The following ZFAT variants were observed in gnomAD, a reference collection of about 807,000 sequenced individuals.
ZFAT encodes zinc finger and AT-hook domain containing.
ZFAT carries 64 observed loss-of-function variants against 117.7 expected under a neutral mutation model. The observed-to-expected ratio is 0.54, with a 90% CI of 0.44 to 0.67. The LOEUF (loss-of-function observed/expected upper bound fraction) is 0.67. Among genes scored for constraint, ZFAT ranks in the 30% least tolerant of loss-of-function variants. The pLI, the probability that ZFAT is intolerant of heterozygous loss-of-function variation, is 0.00. For synonymous variants in ZFAT, 679 were observed against 615.0 expected (o/e 1.10, Z -1.54); for missense variants, 1,433 against 1,584.5 (o/e 0.90, Z 1.62).
intron 1 of ZFAT, among the ~76,000 whole-genome samples, chr8:134,697,402 G>A (rs1586967577): frequency 6.6e-6 from 1 of 150,482 alleles, no homozygotes; most frequent in African/African-American, 2.4e-5. Flanking sequence ...GTGAGCCACC[G>A]CGCCCACCTT....
intron 1 of ZFAT, among the ~76,000 whole-genome samples, chr8:134,676,696 G>A (rs1431499567): frequency 2.0e-5 from 3 of 152,192 alleles, no homozygotes; most frequent in African/African-American, 7.2e-5. Flanking sequence ...ATAATTGGAA[G>A]TAAAACACTC....
chr8:134,661,424 C>T (rs1002033434), intron 1 of ZFAT, among the ~76,000 whole-genome samples: 3 of 152,212 alleles, frequency 2.0e-5, no homozygotes, highest in Non-Finnish European at 4.4e-5. Flanking sequence ...GAAGGAGAGG[C>T]CCCACGTGCC....
chr8:134,608,946 C>T, intron 4 of ZFAT, 67 bp from the exon 5 acceptor site: 1 of 1,535,806 alleles, frequency 6.5e-7, no homozygotes. Flanking sequence ...CCCATCGCAG[C>T]AGAGGGGATG....
At chr8:134,717,902 C>T (rs1814230047), upstream of ZFAT, among the ~76,000 whole-genome samples, 2 of 152,030 alleles carry the variant, frequency 1.3e-5, no homozygotes, top group Non-Finnish European at 2.9e-5. Flanking sequence ...ACCATGTTGG[C>T]CAGGCTGGTC....
At chr8:134,562,478 TTTTG>T (rs1295567041) in intron 11 of ZFAT, among the ~76,000 whole-genome samples, 7 of 152,192 alleles carry the variant, frequency 4.6e-5, no homozygotes, top group Non-Finnish European at 8.8e-5. Flanking sequence ...AGCAATTTCA[TTTTG>T]TTTGTCAGTC....
chr8:134,602,496 A>G lies in ZFAT; in HGVS notation c.1223T>C (p.Ile408Thr). Residue 408 changes from isoleucine (I) to threonine (T), a missense_variant, in exon 6 of 16, where the codon ATC becomes ACC. By Grantham distance (89) the Ile-to-Thr change is moderately conservative (BLOSUM62 -1). This residue lies in a region of ZFAT where 73 missense variants were observed against 122.0 expected (regional missense o/e 0.60). Coordinates refer to ENST00000377838, the MANE Select transcript of ZFAT (RefSeq NM_020863.4). ...CTCGTTCTTGAACTTGCGCTCACAG[A>G]TGTGGCAGTCATAGAGCAGCTGCCG... is the stretch of plus-strand genomic sequence containing the variant. ...GKRQLLYDCH[I>T]CERKFKNELD... The G allele has an allele frequency of 6.2e-7, 1 of 1,613,816 alleles. No homozygotes were observed. The highest frequency in any genetic ancestry group is 1.3e-5 in the African/African-American group (1 of 75,016).
chr8:134,617,159 CTTGAGG>C (rs1828807617), intron 3 of ZFAT, among the ~76,000 whole-genome samples: 1 of 152,190 alleles, frequency 6.6e-6, no homozygotes, highest in Admixed American at 6.5e-5. Context: ...CAGAGGCAAT[CTTGAGG>C]AGAGCTTCCC....
chr8:134,699,992 G>A (rs1046497980), intron 1 of ZFAT, among the ~76,000 whole-genome samples: 4 of 152,214 alleles, frequency 2.6e-5, no homozygotes, highest in Admixed American at 6.5e-5. Context: ...GTCAGGCAGT[G>A]ATACTCCCCG....
At chr8:134,726,783 T>C in the ZFAT span, among the ~76,000 whole-genome samples, 1 of 151,880 alleles carries the variant, frequency 6.6e-6, no homozygotes, top group African/African-American at 2.4e-5. Flanking sequence ...TTTTTTTTTG[T>C]ATTTTGGTAG....
the ZFAT span, among the ~76,000 whole-genome samples, chr8:134,804,469 T>C: frequency 6.6e-6 from 1 of 152,142 alleles, no homozygotes; most frequent in African/African-American, 2.4e-5. Flanking sequence ...AATTTCTAGA[T>C]TGCATACTGC....
chr8:134,583,912 G>C lies in ZFAT; in HGVS notation c.2807C>G (p.Thr936Ser), dbSNP rs779778250. Residue 936 changes from threonine to serine, a missense_variant, in exon 10 of 16, where the codon ACC (threonine) becomes AGC (serine). Thr to Ser is a moderately conservative substitution (Grantham distance 58). Around this residue, in one of 5 missense-constraint regions of ZFAT, gnomAD observed 503 missense variants for 543.4 expected, o/e 0.93. Transcript: ENST00000377838. ...CTTGCCACACATGTCACATAGGTGG[G>C]TTTTCTCAGTGCTGTGACGATTCAT... The part of the protein sequence containing the change: ...AHMNRHSTEK[T>S]HLCDMCGKKF... 13 of 1,608,392 alleles carry C rather than the reference G, an allele frequency of 8.1e-6. No homozygotes were observed. Among genetic ancestry groups the C allele is most frequent in the African/African-American group, 1.3e-5 (1 of 74,864 alleles).
chr8:134,648,746 CAA>C (rs950645729), intron 2 of ZFAT, among the ~76,000 whole-genome samples: 3 of 151,806 alleles, frequency 2.0e-5, no homozygotes, highest in African/African-American at 7.3e-5. Context: ...AAAATTTTTC[CAA>C]AAAATAGAAG....
chr8:134,661,215 C>T (rs1831910494), intron 1 of ZFAT, among the ~76,000 whole-genome samples: 1 of 152,198 alleles, frequency 6.6e-6, no homozygotes, highest in African/African-American at 2.4e-5. Flanking sequence ...GACATGCAGG[C>T]TCAGGGAGGA....
chr8:134,500,528 T>C (rs1407441004), intron 15 of ZFAT, among the ~76,000 whole-genome samples: 2 of 152,242 alleles, frequency 1.3e-5, no homozygotes, highest in Non-Finnish European at 2.9e-5. Context: ...GGCCTATTTT[T>C]ACTTTAAAAA....
At chr8:134,758,605 C>A in the ZFAT span, among the ~76,000 whole-genome samples, 6,110 of 152,252 alleles carry the variant, frequency 0.04, 174 homozygotes, top group Middle Eastern at 0.071. Flanking sequence ...CTACATATAA[C>A]CATGTTCAAG....
intron 11 of ZFAT, among the ~76,000 whole-genome samples, chr8:134,560,112 A>T (rs796505104): frequency 1.4e-4 from 21 of 152,292 alleles, no homozygotes; most frequent in African/African-American, 5.1e-4. Flanking sequence ...CTATCTGGGG[A>T]GGGAGGCAGA....
At chr8:134,761,468 G>A in the ZFAT span, among the ~76,000 whole-genome samples, 2 of 151,800 alleles carry the variant, frequency 1.3e-5, no homozygotes, top group Non-Finnish European at 2.9e-5. Flanking sequence ...TTGGGATGCT[G>A]AAGCCGGCAA....
intron 1 of ZFAT, among the ~76,000 whole-genome samples, chr8:134,676,255 C>CAAAAAAAAAA (rs146638821): frequency 2.5e-5 from 2 of 80,586 alleles, no homozygotes; most frequent in Admixed American, 1.5e-4. Flanking sequence ...AAATGGAAAG[C>CAAAAAAAAAA]AAAAAAAAAA....
the ZFAT span, among the ~76,000 whole-genome samples, chr8:134,768,697 C>G: frequency 1.3e-5 from 2 of 152,182 alleles, no homozygotes; most frequent in Admixed American, 1.3e-4. Context: ...ATTTAATTAC[C>G]TCCCACCAGG....
Sources: allele counts gnomAD v4.1 joint callset (sites outside exome capture counted in the v4.1 genomes callset), GRCh38; gene constraint gnomAD v4.1.1; regional missense constraint gnomAD v4.1.1; transcripts MANE v1.5; gene names NCBI Gene and HGNC (gene_info 2026-07-23, HGNC 2026-07-21).